DGKB: variants seen among roughly 807,000 people sequenced by gnomAD.
DGKB encodes the protein 90 kDa diacylglycerol kinase.
In DGKB, 67 loss-of-function variants were observed where a neutral mutation model predicts 114.3. That is an observed-to-expected ratio of 0.59 (90% confidence interval 0.48 to 0.72). The LOEUF (loss-of-function observed/expected upper bound fraction) is 0.72, where lower values mean the gene tolerates loss of function less well. Among genes scored for constraint, DGKB ranks in the 30% least tolerant of loss-of-function variants. The pLI is 0.00. For synonymous variants in DGKB, 398 were observed against 323.1 expected (o/e 1.23, Z -2.49); for missense variants, 907 against 975.2 (o/e 0.93, Z 0.93).
intron 23 of DGKB, chr7:14,269,165 C>T (rs1414466983): frequency 6.6e-6 from 1 of 152,242 alleles, no homozygotes; most frequent in Non-Finnish European, 1.5e-5. Context: ...GCTGCTTGAT[C>T]TCCTTATGAC....
intron 2 of DGKB, among the ~76,000 whole-genome samples, chr7:14,803,854 A>G (rs1842476281): frequency 6.6e-6 from 1 of 152,146 alleles, no homozygotes; most frequent in Admixed American, 6.6e-5. Flanking sequence ...ATTTTCAACG[A>G]AGTCTAACGT....
intron 23 of DGKB, among the ~76,000 whole-genome samples, chr7:14,255,456 A>C (rs559187956): frequency 2.6e-4 from 40 of 152,266 alleles, no homozygotes; most frequent in African/African-American, 9.4e-4. Flanking sequence ...CCCCTAATTA[A>C]GTGGGAAGAA....
intron 21 of DGKB, among the ~76,000 whole-genome samples, chr7:14,383,668 C>T (rs1487383951): frequency 6.6e-6 from 1 of 152,194 alleles, no homozygotes; most frequent in African/African-American, 2.4e-5. Flanking sequence ...CAAAAGGAGG[C>T]TCCTTCCTAA....
At chr7:14,904,871 A>T (rs970914745), upstream of DGKB, among the ~76,000 whole-genome samples, 1 of 152,208 alleles carries the variant, frequency 6.6e-6, no homozygotes, top group Non-Finnish European at 1.5e-5. Context: ...AGTAGGCACA[A>T]GAAGTCTCTA....
chr7:14,625,777 TCTAA>T lies in DGKB; in HGVS notation c.1168-4287_1168-4284del, dbSNP rs1239054874. Among the ~76,000 whole-genome samples the T allele has an allele frequency of 4.6e-5, 7 of 151,892 alleles. 1 individual carries two copies. The highest frequency in any genetic ancestry group is 2.1e-4 in the South Asian group (1 of 4,824). ...TTATTCAAACACTGAAAAGAGCTAC[TCTAA>T]CTAAAAAAAAGTCATGAAAGAAAAT... On this transcript the variant is annotated intron_variant, in intron 14 of 25. Coordinates refer to ENST00000402815, the MANE Select transcript of DGKB (RefSeq NM_001350709.2).
At chr7:14,275,165 A>G (rs11974713) in intron 23 of DGKB, among the ~76,000 whole-genome samples, 7 of 152,026 alleles carry the variant, frequency 4.6e-5, no homozygotes, top group Admixed American at 3.3e-4. Context: ...CTTAAGTTCT[A>G]TGTTTATTCT....
intron 1 of DGKB, among the ~76,000 whole-genome samples, chr7:14,872,682 A>C (rs1852650035): frequency 6.6e-6 from 1 of 152,008 alleles, no homozygotes; most frequent in Non-Finnish European, 1.5e-5. Flanking sequence ...CAGACATTAG[A>C]TACTGTGCGG....
At position 14,447,936 on chromosome 7, in the gene DGKB, C is replaced by T. The variant is rs28452692; in HGVS notation, c.1835+30225G>A. Among the ~76,000 whole-genome samples, 964 of 152,190 alleles carry T rather than the reference C, an allele frequency of 6.3e-3. 6 individuals are homozygous for T. The highest frequency in any genetic ancestry group is 0.021 in the African/African-American group (868 of 41,542). Reference sequence around the variant, plus strand: ...GTCAAAATAAAACTATCTAAAAACTCACAGAGTGACATTTAAATGCCAAGA... The same window carrying T: ...GTCAAAATAAAACTATCTAAAAACTTACAGAGTGACATTTAAATGCCAAGA... On this transcript the variant is annotated intron_variant, in intron 21 of 25. Coordinates refer to ENST00000402815, the MANE Select transcript of DGKB (RefSeq NM_001350709.2).
intron 2 of DGKB, among the ~76,000 whole-genome samples, chr7:14,783,241 C>T (rs1430837909): frequency 6.6e-6 from 1 of 152,126 alleles, no homozygotes; most frequent in Non-Finnish European, 1.5e-5. Context: ...GAATTTTAGG[C>T]ACATCTACAG....
intron 2 of DGKB, among the ~76,000 whole-genome samples, chr7:14,789,700 G>A (rs1840393413): frequency 6.7e-6 from 1 of 149,044 alleles, no homozygotes; most frequent in African/African-American, 2.5e-5. Flanking sequence ...ACTTACAGGT[G>A]CATGTTACCA....
At chr7:14,162,472 G>T (rs1474139813) in intron 25 of DGKB, among the ~76,000 whole-genome samples, 1 of 151,878 alleles carries the variant, frequency 6.6e-6, no homozygotes, top group Non-Finnish European at 1.5e-5. Flanking sequence ...AATACATAAG[G>T]TATTACATAT....
intron 8 of DGKB, among the ~76,000 whole-genome samples, chr7:14,697,298 C>T (rs1456243568): frequency 6.6e-6 from 1 of 152,070 alleles, no homozygotes; most frequent in Non-Finnish European, 1.5e-5. Context: ...TCTCAATTTA[C>T]TTCTCTGCAA....
At chr7:14,703,410 A>C (rs530503423) in intron 6 of DGKB, among the ~76,000 whole-genome samples, 1 of 152,354 alleles carries the variant, frequency 6.6e-6, no homozygotes, top group East Asian at 1.9e-4. Context: ...GATAATGGGC[A>C]TTCATTACTG....
intron 17 of DGKB, among the ~76,000 whole-genome samples, chr7:14,588,771 G>A (rs969739168): frequency 2.0e-5 from 3 of 151,936 alleles, no homozygotes; most frequent in Non-Finnish European, 4.4e-5. Flanking sequence ...TCACGACTTT[G>A]TCCATCTCTG....
chr7:14,162,805 TTAAAA>T (rs1784096741), intron 25 of DGKB, among the ~76,000 whole-genome samples: 1 of 152,218 alleles, frequency 6.6e-6, no homozygotes, highest in African/African-American at 2.4e-5. Context: ...AAAAAAATCT[TTAAAA>T]TATTTTTATA....
chr7:14,629,381 A>C (rs567140376), intron 14 of DGKB, among the ~76,000 whole-genome samples: 1 of 151,954 alleles, frequency 6.6e-6, no homozygotes, highest in African/African-American at 2.4e-5. Context: ...TTTTTTTTTA[A>C]TTTAACGAAG....
rs545636326 is a variant in DGKB at position 14,421,682 on chromosome 7, G to A, written c.1835+56479C>T. Among the ~76,000 whole-genome samples the A allele has an allele frequency of 2.0e-5, 3 of 152,016 alleles. No individual in the cohort carries two copies. In the South Asian group the frequency reaches 6.3e-4, roughly 32 times the overall value. ...TGCAATTTCCACAGATATTTTATTG[G>A]GTAGAGTACTTTTAAAAAGCTCTAA... On this transcript the variant is annotated intron_variant, in intron 21 of 25. Transcript: ENST00000402815.
chr7:14,969,629 A>C (rs1208266215), intron 1 of DGKB, among the ~76,000 whole-genome samples: 1 of 152,148 alleles, frequency 6.6e-6, no homozygotes, highest in Non-Finnish European at 1.5e-5. Context: ...CGAGGGATCT[A>C]CGTTGTGTGC....
upstream of DGKB, among the ~76,000 whole-genome samples, chr7:14,906,448 T>TG (rs1783710503): frequency 7.5e-5 from 2 of 26,806 alleles, no homozygotes; most frequent in Non-Finnish European, 5.6e-5. Context: ...TTTTTCTGTC[T>TG]TTTTTTTTTT....
Sources: allele counts gnomAD v4.1 joint callset (sites outside exome capture counted in the v4.1 genomes callset), GRCh38; gene constraint gnomAD v4.1.1; transcripts MANE v1.5; gene names NCBI Gene and HGNC (gene_info 2026-07-23, HGNC 2026-07-21).